VTI1A: variants seen among roughly 807,000 people sequenced by gnomAD.
The protein encoded by VTI1A is vesicle transport through interaction with t-SNAREs homolog 1A.
VTI1A carries 22 observed loss-of-function variants against 34.9 expected under a neutral mutation model. That is an observed-to-expected ratio of 0.63 (90% CI 0.45 to 0.90). The LOEUF is 0.90. Ranked by LOEUF, VTI1A falls within the 40% of genes least tolerant of loss-of-function variation. The pLI is 0.00. For missense variants in VTI1A, 268 were observed against 275.6 expected, an observed-to-expected ratio of 0.97 and a Z score of 0.20; for synonymous variants, 87 against 97.3, an observed-to-expected ratio of 0.89 and a Z score of 0.62.
At chr10:112,576,352 T>A (rs1843711815) in intron 5 of VTI1A, among the ~76,000 whole-genome samples, 1 of 152,216 alleles carries the variant, frequency 6.6e-6, no homozygotes, top group African/African-American at 2.4e-5. Context: ...AGACCTAACA[T>A]GTTCAAAATA....
At chr10:112,835,584 A>G in the VTI1A span, among the ~76,000 whole-genome samples, 2 of 152,320 alleles carry the variant, frequency 1.3e-5, no homozygotes, top group African/African-American at 4.8e-5. Flanking sequence ...ATCCTGGGGA[A>G]ATGATACTGG....
intron 5 of VTI1A, among the ~76,000 whole-genome samples, chr10:112,651,467 C>T (rs1416317119): frequency 6.6e-6 from 1 of 152,128 alleles, no homozygotes; most frequent in African/African-American, 2.4e-5. Context: ...TGCACCACCA[C>T]ACCCAGCTAA....
intron 5 of VTI1A, among the ~76,000 whole-genome samples, chr10:112,623,681 C>T (rs922132985): frequency 4.6e-5 from 7 of 152,124 alleles, no homozygotes; most frequent in African/African-American, 1.7e-4. Flanking sequence ...ACTACCCAAG[C>T]CTGGAGGTGT....
chr10:112,836,858 C>T, the VTI1A span, among the ~76,000 whole-genome samples: 1 of 152,186 alleles, frequency 6.6e-6, no homozygotes, highest in Non-Finnish European at 1.5e-5. Context: ...TGCTACCAGT[C>T]GTTTCTACCT....
At chr10:112,495,947 T>C (rs2134137958) in intron 3 of VTI1A, among the ~76,000 whole-genome samples, 1 of 152,268 alleles carries the variant, frequency 6.6e-6, no homozygotes, top group South Asian at 2.1e-4. Flanking sequence ...ATTGAGAAGC[T>C]GAGTGAAATG....
intron 7 of VTI1A, among the ~76,000 whole-genome samples, chr10:112,738,873 G>A (rs1554954338): frequency 6.6e-6 from 1 of 152,044 alleles, no homozygotes; most frequent in Non-Finnish European, 1.5e-5. Context: ...TTTATCATCT[G>A]GTCCCTGAAT....
chr10:112,702,878 G>A (rs1435219216), intron 7 of VTI1A, among the ~76,000 whole-genome samples: 3 of 152,240 alleles, frequency 2.0e-5, no homozygotes, highest in East Asian at 3.9e-4. Context: ...GACCCACTGC[G>A]CCTGGCTCTG....
intron 7 of VTI1A, among the ~76,000 whole-genome samples, chr10:112,727,788 T>C (rs989519527): frequency 6.6e-6 from 1 of 152,122 alleles, no homozygotes; most frequent in Non-Finnish European, 1.5e-5. Context: ...GATATGGTCA[T>C]GCATTCTCTG....
At chr10:112,460,645 C>A in intron 2 of VTI1A, 63 bp downstream of exon 2, 1 of 1,349,844 alleles carries the variant, frequency 7.4e-7, no homozygotes. Flanking sequence ...ATGTCTTCCT[C>A]TAGCCTGTTT....
At chr10:112,687,718 C>T (rs1590070489) in intron 7 of VTI1A, among the ~76,000 whole-genome samples, 1 of 152,094 alleles carries the variant, frequency 6.6e-6, no homozygotes, top group Admixed American at 6.5e-5. Flanking sequence ...TGATCAAGTT[C>T]TCTGGCTTTT....
chr10:112,566,271 TA>T (rs1245773194), intron 5 of VTI1A, among the ~76,000 whole-genome samples: 1 of 152,160 alleles, frequency 6.6e-6, no homozygotes, highest in Non-Finnish European at 1.5e-5. Flanking sequence ...AGCTAACATA[TA>T]AAAAACTTAC....
At chr10:112,634,514 T>C (rs200207981) in intron 5 of VTI1A, among the ~76,000 whole-genome samples, 13 of 144,326 alleles carry the variant, frequency 9.0e-5, no homozygotes, top group South Asian at 4.7e-4. Flanking sequence ...CACACACACA[T>C]ACACACACAC....
chr10:112,787,877 T>G (rs984445018), intron 7 of VTI1A, among the ~76,000 whole-genome samples: 1 of 151,428 alleles, frequency 6.6e-6, no homozygotes, highest in Non-Finnish European at 1.5e-5. Flanking sequence ...AATTTTTGTA[T>G]TTTTAGTAGA....
chr10:112,538,450 T>C (rs1219079895), intron 5 of VTI1A, 120 bp downstream of exon 5: 1 of 889,954 alleles, frequency 1.1e-6, no homozygotes, highest in Non-Finnish European at 1.8e-6. Context: ...GTGGTTTACA[T>C]ATTGGGGAGA....
At chr10:112,631,085 C>T (rs560686470) in intron 5 of VTI1A, among the ~76,000 whole-genome samples, 46 of 151,862 alleles carry the variant, frequency 3.0e-4, no homozygotes, top group African/African-American at 9.4e-4. Flanking sequence ...GCCGAGATCG[C>T]GCCATTGCAC....
Position 112,464,590 on chromosome 10 carries a change from G to A in VTI1A, c.197G>A (p.Ser66Asn). 6.2e-7 allele frequency: 1 copy of A among 1,613,022 alleles called. No individual in the cohort carries two copies. The highest frequency in any genetic ancestry group is 8.5e-7 in the Non-Finnish European group (1 of 1,179,254). The change falls in exon 3 of 8, where the codon AGT (serine) becomes AAT (asparagine). Residue 66 changes from serine to asparagine, a missense_variant. Ser to Asn is a conservative substitution (Grantham distance 46, BLOSUM62 1). Coordinates refer to ENST00000393077, the MANE Select transcript of VTI1A (RefSeq NM_145206.4). ...GAAGTCCGAGAGATACCACCCCAAA[G>A]TCGAGGGATGTACAGCAACAGAATG... ...DLEVREIPPQ[S>N]RGMYSNRMRS...
chr10:112,576,125 G>A (rs190178161), intron 5 of VTI1A, among the ~76,000 whole-genome samples: 2 of 150,376 alleles, frequency 1.3e-5, no homozygotes, highest in East Asian at 4.0e-4. Flanking sequence ...GGTTCACGCC[G>A]TTCTCCTGCC....
chr10:112,556,801 G>A (rs776958285), intron 5 of VTI1A, among the ~76,000 whole-genome samples: 2 of 151,912 alleles, frequency 1.3e-5, no homozygotes, highest in Non-Finnish European at 2.9e-5. Flanking sequence ...AGACCAAAAG[G>A]CCTGTAGAAA....
At chr10:112,840,958 G>A in the VTI1A span, among the ~76,000 whole-genome samples, 1 of 152,248 alleles carries the variant, frequency 6.6e-6, no homozygotes, top group East Asian at 1.9e-4. Context: ...TGCTTAGCAC[G>A]ACACCTGCCA....
Sources: allele counts gnomAD v4.1 joint callset (sites outside exome capture counted in the v4.1 genomes callset), GRCh38; gene constraint gnomAD v4.1.1; transcripts MANE v1.5; gene names NCBI Gene and HGNC (gene_info 2026-07-23, HGNC 2026-07-21).